The following ADAMTSL1 variants were observed in gnomAD, a reference collection of about 807,000 sequenced individuals.
ADAMTSL1 encodes the protein ADAMTS-like protein 1.
In ADAMTSL1, 126 loss-of-function variants were observed where a neutral mutation model predicts 201.8. The ratio of observed to expected loss-of-function variants is 0.62; its 90% CI spans 0.54 to 0.72. ADAMTSL1 has a LOEUF of 0.72. ADAMTSL1 is among the 30% of genes least tolerant of loss of function. The pLI, the probability that ADAMTSL1 is intolerant of heterozygous loss-of-function variation, is 0.00. For synonymous variants in ADAMTSL1, 1,121 were observed against 903.4 expected (o/e 1.24, Z -4.32); for missense variants, 2,679 against 2,277.8 (o/e 1.18, Z -3.59).
At chr9:18,088,060 G>A (rs1313317162) in intron 1 of ADAMTSL1, among the ~76,000 whole-genome samples, 1 of 152,104 alleles carries the variant, frequency 6.6e-6, no homozygotes, top group Non-Finnish European at 1.5e-5. Context: ...CAGACATACA[G>A]ACCAATGGAA....
chr9:18,679,760 T>C (rs1361259855), intron 10 of ADAMTSL1, among the ~76,000 whole-genome samples: 3 of 152,194 alleles, frequency 2.0e-5, no homozygotes, highest in African/African-American at 7.2e-5. Flanking sequence ...ATCTAAGTAG[T>C]CCCAAAGCTG....
chr9:18,177,651 C>A (rs1466291641), intron 2 of ADAMTSL1, among the ~76,000 whole-genome samples: 1 of 152,158 alleles, frequency 6.6e-6, no homozygotes, highest in Non-Finnish European at 1.5e-5. Flanking sequence ...GTCATTACAC[C>A]TATATTCCAG....
intron 1 of ADAMTSL1, among the ~76,000 whole-genome samples, chr9:18,064,954 A>ATT (rs563021690): frequency 0.016 from 1,096 of 68,956 alleles, 71 homozygotes; most frequent in South Asian, 0.029. Context: ...TTTGCTAAAG[A>ATT]TTTTTTTTTT....
chr9:18,841,984 A>T (rs1825750112), intron 23 of ADAMTSL1, among the ~76,000 whole-genome samples: 1 of 151,604 alleles, frequency 6.6e-6, no homozygotes, highest in East Asian at 1.9e-4. Context: ...CTTTCAAAAA[A>T]CCAGCTCCTG....
intron 16 of ADAMTSL1, among the ~76,000 whole-genome samples, chr9:18,758,005 T>G (rs972395964): frequency 2.6e-5 from 4 of 152,216 alleles, no homozygotes; most frequent in African/African-American, 7.2e-5. Context: ...CTATCCTATG[T>G]GATAGTTACT....
intron 2 of ADAMTSL1, among the ~76,000 whole-genome samples, chr9:18,334,774 CT>C (rs1835160687): frequency 6.6e-6 from 1 of 152,096 alleles, no homozygotes; most frequent in South Asian, 2.1e-4. Context: ...CTTCTCTCTT[CT>C]TTTATTTAAA....
intron 2 of ADAMTSL1, among the ~76,000 whole-genome samples, chr9:18,367,930 C>G (rs1036310470): frequency 1.3e-5 from 2 of 151,970 alleles, no homozygotes; most frequent in Non-Finnish European, 1.5e-5. Flanking sequence ...GACGGAGTCT[C>G]GCTCTGTCGC....
intron 1 of ADAMTSL1, chr9:18,163,783 CT>C (rs61624019): frequency 0.26 from 39,557 of 151,836 alleles, 5,707 homozygotes; most frequent in East Asian, 0.4. Flanking sequence ...AATCCAAGAG[CT>C]TTCTGCAACT....
intron 15 of ADAMTSL1, among the ~76,000 whole-genome samples, chr9:18,727,113 C>G (rs1014193542): frequency 2.1e-4 from 32 of 152,344 alleles, no homozygotes; most frequent in African/African-American, 7.5e-4. Flanking sequence ...TTTCCAATTT[C>G]CAATTTTCTT....
chr9:18,639,227 C>G (rs758279464), intron 6 of ADAMTSL1, 27 bp from the exon 7 acceptor site: 1 of 1,611,152 alleles, frequency 6.2e-7, no homozygotes, highest in Non-Finnish European at 8.5e-7. Context: ...ACATCTTTCT[C>G]TCATCTTCAC....
At chr9:18,305,411 C>T (rs1833871085) in intron 2 of ADAMTSL1, among the ~76,000 whole-genome samples, 1 of 152,210 alleles carries the variant, frequency 6.6e-6, no homozygotes. Context: ...TGGTCTAGCT[C>T]AGGGGATCCG....
chr9:18,452,573 ATTTC>A (rs1820451204), intron 2 of ADAMTSL1, among the ~76,000 whole-genome samples: 1 of 152,234 alleles, frequency 6.6e-6, no homozygotes, highest in Non-Finnish European at 1.5e-5. Flanking sequence ...CCTAAGTCAA[ATTTC>A]TTTCTAGCTA....
chr9:18,754,704 GTTTAGTA>G (rs1819647151), intron 16 of ADAMTSL1, among the ~76,000 whole-genome samples: 1 of 152,160 alleles, frequency 6.6e-6, no homozygotes. Context: ...TGGAGCTGTG[GTTTAGTA>G]AAACACTCAA....
chr9:18,545,073 A>G (rs111378158), intron 3 of ADAMTSL1, among the ~76,000 whole-genome samples: 1 of 152,188 alleles, frequency 6.6e-6, no homozygotes, highest in Non-Finnish European at 1.5e-5. Context: ...GACTGATTAC[A>G]TACCTCAGAG....
intron 23 of ADAMTSL1, among the ~76,000 whole-genome samples, chr9:18,839,852 C>T (rs1825596800): frequency 6.6e-6 from 1 of 150,624 alleles, no homozygotes; most frequent in Non-Finnish European, 1.5e-5. Context: ...AGTGTCTGTT[C>T]ATGTCCTTCG....
chr9:18,560,886 T>C (rs1821444116), intron 3 of ADAMTSL1, among the ~76,000 whole-genome samples: 1 of 152,010 alleles, frequency 6.6e-6, no homozygotes, highest in Non-Finnish European at 1.5e-5. Context: ...TCTATTTGAT[T>C]CTTCTCTCTT....
intron 23 of ADAMTSL1, among the ~76,000 whole-genome samples, chr9:18,840,198 G>T (rs1380206091): frequency 6.6e-6 from 1 of 151,554 alleles, no homozygotes; most frequent in African/African-American, 2.4e-5. Context: ...AATCCATCTT[G>T]AATTAATTTT....
chr9:18,585,009 T>C (rs1249660868), intron 4 of ADAMTSL1, among the ~76,000 whole-genome samples: 1 of 152,232 alleles, frequency 6.6e-6, no homozygotes, highest in Non-Finnish European at 1.5e-5. Flanking sequence ...CTCTTCGATC[T>C]AGGTTTTTTT....
chr9:18,062,845 T>G (rs1334342208), intron 1 of ADAMTSL1, among the ~76,000 whole-genome samples: 1 of 152,190 alleles, frequency 6.6e-6, no homozygotes, highest in African/African-American at 2.4e-5. Context: ...TGATGAAATC[T>G]TCCATTAAAC....
Sources: gnomAD v4.1 joint callset for allele counts (sites outside exome capture counted in the v4.1 genomes callset) on GRCh38, gnomAD v4.1.1 for gene constraint, MANE v1.5 for transcripts, NCBI Gene and HGNC (gene_info 2026-07-23, HGNC 2026-07-21) for gene names.